Variants in DESI2 observed in about 807,000 individuals in gnomAD.
DESI2 encodes the protein deubiquitinase DESI2.
Under a neutral mutation model 24.1 loss-of-function variants are expected in DESI2, and 10 were observed. That is an observed-to-expected ratio of 0.41 (90% CI 0.26 to 0.70). DESI2 has a LOEUF of 0.70. Among genes scored for constraint, DESI2 ranks in the 30% least tolerant of loss-of-function variants. DESI2 has a pLI of 0.29. For synonymous variants in DESI2, 71 were observed against 87.7 expected (o/e 0.81, Z 1.06); for missense variants, 122 against 234.9 (o/e 0.52, Z 3.14).
chr1:244,699,578 C>CAAAAAAAAAAAAAA (rs559295405), intron 4 of DESI2, among the ~76,000 whole-genome samples: 15 of 66,220 alleles, frequency 2.3e-4, no homozygotes, highest in African/African-American at 3.1e-4. Flanking sequence ...GAGACTGTCT[C>CAAAAAAAAAAAAAA]AAAAAAAAAA....
intron 4 of DESI2, among the ~76,000 whole-genome samples, chr1:244,693,622 G>A (rs1677105339): frequency 6.6e-6 from 1 of 152,080 alleles, no homozygotes; most frequent in African/African-American, 2.4e-5. Flanking sequence ...GTAGAGGCAG[G>A]GTTTCTCCAT....
rs547135685 is a variant in DESI2 at position 244,661,417 on chromosome 1, T to A, written c.42+8062T>A. ...AGAAATCAAGCTAATTTTCTTTTTT[T>A]TTATTATTATACTTTAAGTTCTAGG... On this transcript the variant is annotated intron_variant, in intron 1 of 4. Coordinates refer to ENST00000302550, the MANE Select transcript of DESI2 (RefSeq NM_016076.5). 3.8e-3 allele frequency among the ~76,000 whole-genome samples: 579 copies of A among 152,302 alleles called. 2 individuals carry two copies. The highest frequency in any genetic ancestry group is 0.013 in the African/African-American group (550 of 41,558).
Position 244,678,988 on chromosome 1 carries a change from AT to A in DESI2, c.43-7604del, listed in dbSNP as rs199735472. 6.8e-3 allele frequency among the ~76,000 whole-genome samples: 1,038 copies of A among 152,274 alleles called. 9 individuals are homozygous for A. Among genetic ancestry groups the A allele is most frequent in the Non-Finnish European group, 9.8e-3 (668 of 68,014 alleles). ...CACTACGTGGAGAAAGCCTAACAAA[AT>A]TTTTATGTGAACTGGCGTGATACCT... is the stretch of plus-strand genomic sequence containing the variant. On this transcript the variant is annotated intron_variant, in intron 1 of 4. Coordinates refer to ENST00000302550, the MANE Select transcript of DESI2 (RefSeq NM_016076.5).
At chr1:244,668,170 G>A (rs1289719132) in intron 1 of DESI2, among the ~76,000 whole-genome samples, 1 of 152,194 alleles carries the variant, frequency 6.6e-6, no homozygotes, top group African/African-American at 2.4e-5. Context: ...GGACACAGCA[G>A]AAGAGGTATA....
At chr1:244,664,020 GAAAAAAAAAAAA>G (rs34195856) in intron 1 of DESI2, among the ~76,000 whole-genome samples, 1 of 89,382 alleles carries the variant, frequency 1.1e-5, no homozygotes, top group Non-Finnish European at 2.1e-5. Context: ...TCCGTCTCAG[GAAAAAAAAAAAA>G]AAAAAAAAAA....
intron 4 of DESI2, among the ~76,000 whole-genome samples, chr1:244,702,634 G>A (rs1006858542): frequency 2.6e-5 from 4 of 152,194 alleles, no homozygotes; most frequent in African/African-American, 9.7e-5. Context: ...CTCTGCCTCT[G>A]CCATTGTAGC....
At chr1:244,653,705 C>CT in intron 1 of DESI2, 1 of 384,924 alleles carries the variant, frequency 2.6e-6, no homozygotes, top group Non-Finnish European at 4.8e-6. Flanking sequence ...CACTTGCCGG[C>CT]CCCCGGGGCT....
rs1326707957 is a variant in DESI2 at position 244,705,753 on chromosome 1, A to G, written c.549A>G (p.Ala183=). The stretch of plus-strand genomic sequence containing the variant: ...CATCCGCTTCCGTGGCAAGCACTGC[A>G]GCAGGCTCCAGACCCGGGCGCCACA... ...AAASASVAST[A]AGSRPGRHTK... Residue 183 remains alanine (A), a synonymous_variant, in exon 5 of 5, where the codon GCA becomes GCG. Coordinates refer to ENST00000302550, the MANE Select transcript of DESI2 (RefSeq NM_016076.5). The G allele has an allele frequency of 6.2e-6, 10 of 1,613,048 alleles. No individual in the cohort carries two copies. Among genetic ancestry groups the G allele is most frequent in the Non-Finnish European group, 7.6e-6 (9 of 1,180,026 alleles).
intron 1 of DESI2, among the ~76,000 whole-genome samples, chr1:244,678,565 C>G (rs1378359652): frequency 6.6e-6 from 1 of 152,120 alleles, no homozygotes; most frequent in South Asian, 2.1e-4. Flanking sequence ...TTTAATAAAA[C>G]CTTTGGGTTC....
At chr1:244,686,773 G>A (rs1246904339) in intron 2 of DESI2, 104 bp downstream of exon 2, 2 of 657,798 alleles carry the variant, frequency 3.0e-6, no homozygotes, top group Non-Finnish European at 5.2e-6. Context: ...ACTTGCATAT[G>A]TTATTACAGA....
chr1:244,671,756 A>G (rs983173349), intron 1 of DESI2, among the ~76,000 whole-genome samples: 3 of 152,174 alleles, frequency 2.0e-5, no homozygotes, highest in Admixed American at 6.5e-5. Context: ...GTTATTGGCT[A>G]TGATTTTGTT....
chr1:244,669,613 G>T (rs1422931588), intron 1 of DESI2, among the ~76,000 whole-genome samples: 1 of 152,062 alleles, frequency 6.6e-6, no homozygotes, highest in Non-Finnish European at 1.5e-5. Context: ...GGGAGGCAGA[G>T]GTTGCGGTGA....
At chr1:244,671,225 C>A (rs1046464088) in intron 1 of DESI2, among the ~76,000 whole-genome samples, 1 of 152,048 alleles carries the variant, frequency 6.6e-6, no homozygotes, top group Non-Finnish European at 1.5e-5. Flanking sequence ...CAAATGAAAA[C>A]GTCTGATTGT....
chr1:244,655,376 A>G (rs552724154), intron 1 of DESI2, among the ~76,000 whole-genome samples: 2 of 152,352 alleles, frequency 1.3e-5, no homozygotes, highest in South Asian at 2.1e-4. Context: ...GATGAAGCAT[A>G]TGAATGTTTA....
At chr1:244,686,091 A>G (rs891653634) in intron 1 of DESI2, among the ~76,000 whole-genome samples, 4 of 152,166 alleles carry the variant, frequency 2.6e-5, no homozygotes, top group African/African-American at 9.7e-5. Flanking sequence ...GTTTATTCTT[A>G]TATTATTACC....
intron 1 of DESI2, among the ~76,000 whole-genome samples, chr1:244,684,661 A>C (rs1676752738): frequency 6.6e-6 from 1 of 152,068 alleles, no homozygotes; most frequent in African/African-American, 2.4e-5. Context: ...GATAGTTTAT[A>C]ATATGAATGT....
intron 1 of DESI2, among the ~76,000 whole-genome samples, chr1:244,677,104 T>C (rs1676440457): frequency 1.3e-5 from 2 of 152,044 alleles, no homozygotes; most frequent in Admixed American, 6.5e-5. Context: ...TTCCCCTTTC[T>C]TCTGTATTTT....
chr1:244,704,820 G>A (rs1409854273), intron 4 of DESI2, among the ~76,000 whole-genome samples: 4 of 152,092 alleles, frequency 2.6e-5, no homozygotes, highest in African/African-American at 7.2e-5. Flanking sequence ...CACCATGCCC[G>A]GCTAATTTTT....
intron 1 of DESI2, chr1:244,653,905 TG>T (rs1271818015): frequency 2.1e-6 from 1 of 471,076 alleles, no homozygotes; most frequent in Non-Finnish European, 4.4e-6. Flanking sequence ...TTTCCTTGTG[TG>T]TTAAAGGCAA....
Sources: gnomAD v4.1 joint callset for allele counts (sites outside exome capture counted in the v4.1 genomes callset) on GRCh38, gnomAD v4.1.1 for gene constraint, MANE v1.5 for transcripts, NCBI Gene and HGNC (gene_info 2026-07-23, HGNC 2026-07-21) for gene names.